The following HRH1 variants were observed in gnomAD, a reference collection of about 807,000 sequenced individuals.
HRH1 encodes histamine H1 receptor.
A neutral mutation model predicts 10.3 loss-of-function variants in HRH1; 6 were observed. The ratio of observed to expected loss-of-function variants is 0.58; its 90% confidence interval spans 0.32 to 1.15. The LOEUF (loss-of-function observed/expected upper bound fraction) is 1.15. Among genes scored for constraint, HRH1 ranks in the 50% most tolerant of loss-of-function variants. The pLI is 0.05. For synonymous variants in HRH1, 242 were observed against 236.7 expected, an observed-to-expected ratio of 1.02 and a Z score of -0.21; for missense variants, 514 against 615.3, an observed-to-expected ratio of 0.84 and a Z score of 1.74.
chr3:11,206,970 T>G (rs347592), intron 1 of HRH1, among the ~76,000 whole-genome samples: 1 of 151,388 alleles, frequency 6.6e-6, no homozygotes, highest in Non-Finnish European at 1.5e-5. Context: ...CTTATCGGGG[T>G]GGAGTCAAGG....
chr3:11,152,571 G>GA (rs1035331936), upstream of HRH1, among the ~76,000 whole-genome samples: 21 of 152,046 alleles, frequency 1.4e-4, no homozygotes, highest in African/African-American at 5.1e-4. Flanking sequence ...GAGGAGGGAT[G>GA]AAAGTGTGGA....
intron 1 of HRH1, among the ~76,000 whole-genome samples, chr3:11,211,938 C>T (rs1938339939): frequency 6.6e-6 from 1 of 152,170 alleles, no homozygotes; most frequent in South Asian, 2.1e-4. Context: ...CGGGCTTCCT[C>T]CCAGACCTCC....
At chr3:11,182,126 G>T (rs1234210581) in intron 1 of HRH1, among the ~76,000 whole-genome samples, 2 of 151,822 alleles carry the variant, frequency 1.3e-5, no homozygotes, top group Non-Finnish European at 2.9e-5. Flanking sequence ...GGGATTACAG[G>T]TGCCTGCCAC....
intron 1 of HRH1, among the ~76,000 whole-genome samples, chr3:11,210,459 G>A (rs977684996): frequency 3.3e-5 from 5 of 152,114 alleles, no homozygotes; most frequent in African/African-American, 1.2e-4. Flanking sequence ...AGGATAAAAT[G>A]AGATGGTGTG....
rs114984844 is a variant in HRH1 at position 11,228,844 on chromosome 3, G to A, written c.-35-30159G>A. On this transcript the variant is annotated intron_variant, in intron 1 of 1. Coordinates refer to ENST00000431010, the MANE Select transcript of HRH1 (RefSeq NM_001098212.2). Reference sequence around the variant, plus strand: ...CAGGAGAATCGCTTGAACCCAGGAGGTGAAGTTTGCAGTGAGACGAGATCT... The same window carrying A: ...CAGGAGAATCGCTTGAACCCAGGAGATGAAGTTTGCAGTGAGACGAGATCT... Among the ~76,000 whole-genome samples, 394 of 151,788 alleles carry A rather than the reference G, an allele frequency of 2.6e-3. 2 individuals are homozygous for A. The highest frequency in any genetic ancestry group is 9.0e-3 in the African/African-American group (371 of 41,346).
intron 1 of HRH1, among the ~76,000 whole-genome samples, chr3:11,167,049 C>T (rs1937054579): frequency 8.8e-6 from 1 of 113,260 alleles, no homozygotes; most frequent in African/African-American, 3.6e-5. Context: ...CCTGCATTCT[C>T]CAGACCAGTG....
intron 1 of HRH1, among the ~76,000 whole-genome samples, chr3:11,188,304 A>C (rs143622420): frequency 2.6e-5 from 4 of 152,344 alleles, no homozygotes; most frequent in Non-Finnish European, 5.9e-5. Context: ...CACTTGTAGG[A>C]AGTTATAAAG....
At chr3:11,235,059 CA>C (rs1367780282) in intron 1 of HRH1, among the ~76,000 whole-genome samples, 1 of 151,722 alleles carries the variant, frequency 6.6e-6, no homozygotes, top group Admixed American at 6.6e-5. Context: ...ACTAAAAATG[CA>C]AAAAATTAGC....
At chr3:11,141,882 G>C (rs375589429) in intron 1 of HRH1, among the ~76,000 whole-genome samples, 9 of 152,256 alleles carry the variant, frequency 5.9e-5, no homozygotes, top group East Asian at 5.8e-4. Flanking sequence ...AGGGCAACTA[G>C]AAAGTGACAT....
chr3:11,234,185 G>A, intron 1 of HRH1: 1 of 924,192 alleles, frequency 1.1e-6, no homozygotes, highest in Non-Finnish European at 1.6e-6. Flanking sequence ...TTCTTGGAAG[G>A]TGACAACAAG....
At chr3:11,178,710 G>C (rs1937292449) in intron 1 of HRH1, among the ~76,000 whole-genome samples, 1 of 152,114 alleles carries the variant, frequency 6.6e-6, no homozygotes, top group South Asian at 2.1e-4. Flanking sequence ...TTACACTTCA[G>C]GGTCCTCCTG....
chr3:11,214,109 T>C (rs1197074015), intron 1 of HRH1, among the ~76,000 whole-genome samples: 2 of 151,590 alleles, frequency 1.3e-5, no homozygotes, highest in African/African-American at 4.9e-5. Context: ...CAGGGACAGG[T>C]CAGATATGTT....
At chr3:11,169,236 G>C (rs1261614993) in intron 1 of HRH1, among the ~76,000 whole-genome samples, 1 of 152,166 alleles carries the variant, frequency 6.6e-6, no homozygotes, top group Non-Finnish European at 1.5e-5. Flanking sequence ...TGAGGAGTAA[G>C]GGAGGTGACG....
chr3:11,199,063 A>G (rs915647373), intron 1 of HRH1, among the ~76,000 whole-genome samples: 11 of 151,968 alleles, frequency 7.2e-5, no homozygotes, highest in African/African-American at 2.7e-4. Context: ...TGCTAGAATT[A>G]CAGGTGCATT....
At chr3:11,244,973 A>G (rs1939440843) in intron 1 of HRH1, among the ~76,000 whole-genome samples, 4 of 152,162 alleles carry the variant, frequency 2.6e-5, no homozygotes, top group Admixed American at 2.6e-4. Flanking sequence ...GGATAATGGT[A>G]AATGTCATCA....
chr3:11,204,659 A>G (rs1172627516), intron 1 of HRH1, among the ~76,000 whole-genome samples: 1 of 152,226 alleles, frequency 6.6e-6, no homozygotes, highest in Non-Finnish European at 1.5e-5. Flanking sequence ...GTGCTTTACC[A>G]GGTGCTAACA....
Position 11,162,219 on chromosome 3 carries a change from A to G in HRH1, c.-36+7665A>G, listed in dbSNP as rs370134561. On this transcript the variant is annotated intron_variant, in intron 1 of 1. Transcript: ENST00000431010. ...TTTCATCTCTCAGATTCACTCATAGATACAGTCACCATGCAAGGAACCAGG... is the reference window on the plus strand; with the variant it reads ...TTTCATCTCTCAGATTCACTCATAGGTACAGTCACCATGCAAGGAACCAGG... Among the ~76,000 whole-genome samples the G allele has an allele frequency of 2.0e-4, 31 of 152,308 alleles. No homozygotes were observed. In the South Asian group the frequency reaches 6.4e-3, roughly 32 times the overall value.
chr3:11,256,946 G>T (rs1939797611), intron 1 of HRH1, among the ~76,000 whole-genome samples: 1 of 151,768 alleles, frequency 6.6e-6, no homozygotes, highest in Non-Finnish European at 1.5e-5. Flanking sequence ...ACCACTTTTT[G>T]ATGAATATGA....
upstream of HRH1, among the ~76,000 whole-genome samples, chr3:11,154,114 T>A (rs1936717382): frequency 6.6e-6 from 1 of 151,282 alleles, no homozygotes; most frequent in African/African-American, 2.4e-5. This position sits in a 1 kb window ranked among gnomAD's most constrained non-coding sequence, Gnocchi z 4.4. Context: ...TTTATCTCTG[T>A]CTGTCGTTTT....
Sources: gnomAD v4.1 joint callset for allele counts (sites outside exome capture counted in the v4.1 genomes callset) on GRCh38, gnomAD v4.1.1 for gene constraint, Gnocchi (gnomAD v3.1) non-coding constraint, MANE v1.5 for transcripts, NCBI Gene and HGNC (gene_info 2026-07-23, HGNC 2026-07-21) for gene names.